Variants in PARP4 observed in about 807,000 individuals in gnomAD.
The protein encoded by PARP4 is poly(ADP-ribose) polymerase family member 4, also known as protein mono-ADP-ribosyltransferase PARP4.
Under a neutral mutation model 187.7 loss-of-function variants are expected in PARP4, and 120 were observed. That is an observed-to-expected ratio of 0.64 (90% CI 0.55 to 0.74). The LOEUF (loss-of-function observed/expected upper bound fraction) is 0.74. Ranked by LOEUF, PARP4 falls within the 30% of genes least tolerant of loss-of-function variation. The pLI, the probability that PARP4 is intolerant of heterozygous loss-of-function variation, is 0.00. For missense variants in PARP4, 1,836 were observed against 2,070.5 expected (o/e 0.89, Z 2.20); for synonymous variants, 654 against 740.9 (o/e 0.88, Z 1.90).
At position 24,469,119 on chromosome 13, in the gene PARP4, G is replaced by A. The variant is rs771705745; in HGVS notation, c.2047-9C>T. The A allele has an allele frequency of 2.5e-6, 4 of 1,584,978 alleles. No individual in the cohort carries two copies. Among genetic ancestry groups the A allele is most frequent in the Non-Finnish European group, 3.5e-6 (4 of 1,153,444 alleles). On this transcript the variant is annotated splice_polypyrimidine_tract_variant and intron_variant, in intron 16 of 33. Coordinates refer to ENST00000381989, the MANE Select transcript of PARP4 (RefSeq NM_006437.4). ...TCTTCCTTCTCTTTAATCTGGAAAA[G>A]ATGAGTTTTAAATCATTCCTTACAT...
chr13:24,434,688 C>G lies in PARP4; in HGVS notation c.4453G>C (p.Glu1485Gln). The G allele has an allele frequency of 6.2e-7, 1 of 1,614,046 alleles. No homozygotes were observed. Among genetic ancestry groups the G allele is most frequent in the Non-Finnish European group, 8.5e-7 (1 of 1,180,010 alleles). Reference protein sequence around the residue: ...LRLPMASALPEALCSQSRTTP... With the variant: ...LRLPMASALPQALCSQSRTTP... ...GTCCGGGACTGACTGCAAAGAGCCT[C>G]AGGTAAAGCAGAGGCCATTGGCAGC... is the stretch of plus-strand genomic sequence containing the variant. The change falls in exon 31 of 34, where the codon GAG (glutamate) becomes CAG (glutamine). Residue 1485 changes from glutamate to glutamine, a missense_variant. Around this residue, in one of 8 missense-constraint regions of PARP4, gnomAD observed 450 missense variants for 439.2 expected, o/e 1.02. Coordinates refer to ENST00000381989, the MANE Select transcript of PARP4 (RefSeq NM_006437.4).
rs754241030 is a variant in PARP4 at position 24,478,174 on chromosome 13, G to C, written c.1551C>G (p.Asp517Glu). 1.2e-6 allele frequency: 2 copies of C among 1,613,902 alleles called. No homozygotes were observed. Among genetic ancestry groups the C allele is most frequent in the South Asian group, 1.1e-5 (1 of 91,066 alleles). ...CTGGTGGTGCTTCAGTTAAGGAAAA[G>C]TCCTTCTCATGTAAGTCCATACACT... ...LGKCMDLHEK[D>E]FSLTEAPPGY... The change falls in exon 13 of 34, where the codon GAC becomes GAG. Residue 517 changes from aspartate to glutamate, a missense_variant. Physicochemically the swap from Asp to Glu is conservative, Grantham distance 45. Around this residue, in one of 8 missense-constraint regions of PARP4, gnomAD observed 1,147 missense variants for 1,214.2 expected, o/e 0.94. Transcript: ENST00000381989.
intron 1 of PARP4, among the ~76,000 whole-genome samples, chr13:24,504,307 C>CTTTTTTTTT (rs11434017): frequency 5.7e-5 from 5 of 87,364 alleles, no homozygotes; most frequent in East Asian, 3.6e-4. Flanking sequence ...CATTTAGGTT[C>CTTTTTTTTT]TTTTTTTTTT....
chr13:24,486,814 T>C (rs1003233015), intron 10 of PARP4, among the ~76,000 whole-genome samples: 3 of 152,064 alleles, frequency 2.0e-5, no homozygotes, highest in Non-Finnish European at 4.4e-5. Context: ...TAGCAGGGCA[T>C]GGTGGTGCAC....
At chr13:24,444,912 A>G (rs1193203046) in intron 27 of PARP4, among the ~76,000 whole-genome samples, 1 of 152,166 alleles carries the variant, frequency 6.6e-6, no homozygotes, top group African/African-American at 2.4e-5. Flanking sequence ...AGAGGAGGCT[A>G]AAGTCTGATA....
At position 24,512,687 on chromosome 13, in the gene PARP4, C is replaced by G. The variant is rs1457350366; in HGVS notation, c.-2+19G>C. ...CTACAGGGACCTTTGCAGCCCCCCA[C>G]CCCGCAGCGCCCACGCACCTGCCTA... On this transcript the variant is annotated intron_variant, in intron 1 of 33. Coordinates refer to ENST00000381989, the MANE Select transcript of PARP4 (RefSeq NM_006437.4). The G allele has an allele frequency of 6.5e-6, 1 of 152,694 alleles. No homozygotes were observed. Among genetic ancestry groups the G allele is most frequent in the Non-Finnish European group, 1.5e-5 (1 of 68,412 alleles). The allele number at this position is 152,694 out of a possible 1,614,324, so 9.5% of individuals were successfully genotyped here. A position where few individuals can be genotyped will look rare whatever the true frequency, so the allele number is the denominator to read the frequency against.
chr13:24,441,556 T>G (rs1349647451), intron 30 of PARP4, among the ~76,000 whole-genome samples: 1 of 152,284 alleles, frequency 6.6e-6, no homozygotes, highest in Non-Finnish European at 1.5e-5. Context: ...AAACCTATTA[T>G]ACTACCTAAA....
chr13:24,501,988 T>G (rs898763551), intron 2 of PARP4, among the ~76,000 whole-genome samples, 154 bp from the exon 3 acceptor site: 3 of 152,258 alleles, frequency 2.0e-5, no homozygotes, highest in African/African-American at 7.2e-5. Context: ...TCACAGTTTC[T>G]AGTTACATAA....
chr13:24,444,563 C>T (rs1362216210), intron 27 of PARP4, among the ~76,000 whole-genome samples: 5 of 152,164 alleles, frequency 3.3e-5, no homozygotes, highest in African/African-American at 1.2e-4. Context: ...AAAAAAACTA[C>T]ATAAATAGCA....
rs186733029 is a variant in PARP4, at chr13:24,447,400, G to A, written c.3115-214C>T. Among the ~76,000 whole-genome samples the A allele has an allele frequency of 3.9e-4, 60 of 152,174 alleles. No homozygotes were observed. The East Asian group carries it at 6.6e-3, about 17-fold the overall frequency. ...TTTTGAGATGGAGTTTTGCTCTGTC[G>A]CCCAGGCGGGAGTGCAGTGGCACAA... On this transcript the variant is annotated intron_variant, in intron 25 of 33. Coordinates refer to ENST00000381989, the MANE Select transcript of PARP4 (RefSeq NM_006437.4).
intron 1 of PARP4, among the ~76,000 whole-genome samples, chr13:24,509,889 G>C (rs763485593): frequency 2.0e-5 from 3 of 151,834 alleles, no homozygotes; most frequent in Admixed American, 6.6e-5. Flanking sequence ...TAGTAGAGAC[G>C]GGGTTTCACC....
At position 24,485,099 on chromosome 13, in the gene PARP4, G is replaced by A. The variant is rs1338693892; in HGVS notation, c.1353-351C>T. Among the ~76,000 whole-genome samples the A allele has an allele frequency of 2.0e-5, 3 of 152,100 alleles. No individual in the cohort carries two copies. The East Asian group carries it at 5.8e-4, about 29-fold the overall frequency. On this transcript the variant is annotated intron_variant, in intron 11 of 33. Transcript: ENST00000381989. ...TTTTAAATATTTAAATATTTGCTCT[G>A]TCTGGAGTTAAAGTATGAGAAATGA...
At chr13:24,424,457 T>TGGA (rs1282947022) in intron 33 of PARP4, among the ~76,000 whole-genome samples, 6 of 152,206 alleles carry the variant, frequency 3.9e-5, no homozygotes, top group African/African-American at 1.4e-4. Flanking sequence ...AACATGTTCC[T>TGGA]CTATTCTCTG....
At chr13:24,502,920 A>G (rs1300693908) in intron 2 of PARP4, among the ~76,000 whole-genome samples, 1 of 152,216 alleles carries the variant, frequency 6.6e-6, no homozygotes, top group Non-Finnish European at 1.5e-5. Flanking sequence ...GCCAAGCCCC[A>G]GGGCTGAGGT....
At chr13:24,431,285 A>G in intron 32 of PARP4, 92 bp downstream of exon 32, 1 of 706,796 alleles carries the variant, frequency 1.4e-6, no homozygotes, top group Non-Finnish European at 2.4e-6. Context: ...TTACATTAAT[A>G]CACTAGCTTA....
intron 29 of PARP4, 57 bp downstream of exon 29, chr13:24,442,533 T>C: frequency 8.6e-7 from 1 of 1,160,600 alleles, no homozygotes; most frequent in Non-Finnish European, 1.3e-6. Context: ...AGGGTGACTT[T>C]CTTAATGTGG....
intron 12 of PARP4, among the ~76,000 whole-genome samples, chr13:24,481,210 T>C (rs948969615): frequency 2.0e-5 from 3 of 152,242 alleles, no homozygotes; most frequent in African/African-American, 7.2e-5. Flanking sequence ...AAGCCCAATG[T>C]ATAGATCTAC....
intron 15 of PARP4, among the ~76,000 whole-genome samples, chr13:24,473,085 T>A (rs758046403): frequency 6.6e-6 from 1 of 152,032 alleles, no homozygotes; most frequent in Non-Finnish European, 1.5e-5. Flanking sequence ...TGTACGCCAC[T>A]GCGCTCAGCC....
At chr13:24,469,450 C>T (rs1218540295) in intron 16 of PARP4, among the ~76,000 whole-genome samples, 3 of 151,992 alleles carry the variant, frequency 2.0e-5, no homozygotes, top group Non-Finnish European at 4.4e-5. Context: ...TGGACTAATC[C>T]TTACAATAAA....
Sources: gnomAD v4.1 joint callset for allele counts (sites outside exome capture counted in the v4.1 genomes callset) on GRCh38, gnomAD v4.1.1 for gene constraint, gnomAD v4.1.1 regional missense constraint, MANE v1.5 for transcripts, NCBI Gene and HGNC (gene_info 2026-07-23, HGNC 2026-07-21) for gene names.